Variants in FDX1 observed in about 807,000 individuals in gnomAD.
The protein encoded by FDX1 is adrenodoxin, mitochondrial.
In FDX1, 9 loss-of-function variants were observed where a neutral mutation model predicts 14.9. The observed-to-expected ratio is 0.60, with a 90% CI of 0.36 to 1.05. FDX1 has a LOEUF of 1.05. FDX1 is among the 50% of genes least tolerant of loss of function. The pLI, the probability that FDX1 is intolerant of heterozygous loss-of-function variation, is 0.01. For synonymous variants in FDX1, 92 were observed against 99.4 expected (o/e 0.93, Z 0.44); for missense variants, 204 against 237.2 (o/e 0.86, Z 0.92).
intron 2 of FDX1, among the ~76,000 whole-genome samples, chr11:110,447,273 CAAAAAAAAAAAAAA>C (rs541827807): frequency 1.3e-5 from 1 of 75,750 alleles, no homozygotes; most frequent in Non-Finnish European, 2.7e-5. Context: ...ACTAAAAATA[CAAAAAAAAAAAAAA>C]AAAAAAAAAA....
intron 1 of FDX1, among the ~76,000 whole-genome samples, chr11:110,432,028 T>G (rs531708095): frequency 6.6e-6 from 1 of 152,346 alleles, no homozygotes; most frequent in African/African-American, 2.4e-5. Flanking sequence ...TTTCGAGTTC[T>G]CAGTAGCCAC....
intron 2 of FDX1, among the ~76,000 whole-genome samples, chr11:110,439,254 T>G (rs947673340): frequency 2.0e-5 from 3 of 151,846 alleles, no homozygotes; most frequent in Admixed American, 2.0e-4. Flanking sequence ...GTTGTCCAGG[T>G]TGGAGTGCAG....
chr11:110,457,691 G>A (rs1355879390), intron 3 of FDX1, among the ~76,000 whole-genome samples: 1 of 151,902 alleles, frequency 6.6e-6, no homozygotes, highest in Non-Finnish European at 1.5e-5. Context: ...AATTAAGGTT[G>A]GCTTTGTTTA....
At chr11:110,448,201 GTC>G (rs1165469042) in intron 2 of FDX1, among the ~76,000 whole-genome samples, 1 of 152,046 alleles carries the variant, frequency 6.6e-6, no homozygotes, top group African/African-American at 2.4e-5. Flanking sequence ...TTCTTCATGT[GTC>G]TGTTTTGAGG....
Position 110,464,039 on chromosome 11 carries a change from G to C in FDX1, c.*1571G>C, listed in dbSNP as rs1379981498. 1.3e-5 allele frequency: 2 copies of C among 151,534 alleles called. No homozygotes were observed. Among genetic ancestry groups the C allele is most frequent in the Non-Finnish European group, 2.9e-5 (2 of 67,978 alleles). 9.4% of individuals were successfully genotyped at this position (151,534 alleles called of 1,614,324 possible). Reference sequence around the variant, plus strand: ...GGGATTCTCGTGCCTCAGCCTCCCAGGTAGCTGGTACTACAGGCACGGACC... The same window carrying C: ...GGGATTCTCGTGCCTCAGCCTCCCACGTAGCTGGTACTACAGGCACGGACC... On this transcript the variant is annotated 3_prime_UTR_variant, in exon 4 of 4. Transcript: ENST00000260270.
chr11:110,432,595 A>C (rs1023326229), intron 1 of FDX1, among the ~76,000 whole-genome samples: 17 of 152,008 alleles, frequency 1.1e-4, no homozygotes, highest in African/African-American at 4.1e-4. Context: ...CAGCCACCCG[A>C]ATATCTGGGA....
intron 1 of FDX1, among the ~76,000 whole-genome samples, chr11:110,433,250 G>C (rs1314967835): frequency 6.6e-6 from 1 of 152,220 alleles, no homozygotes. Flanking sequence ...AGACTTCTCT[G>C]CTGGGCTCAG....
At chr11:110,434,800 G>A (rs1383950258) in intron 1 of FDX1, among the ~76,000 whole-genome samples, 1 of 142,378 alleles carries the variant, frequency 7.0e-6, no homozygotes, top group East Asian at 2.2e-4. Flanking sequence ...GTGTAATCAC[G>A]GCTCACTGCA....
At chr11:110,457,926 C>G (rs374836066) in intron 3 of FDX1, among the ~76,000 whole-genome samples, 2 of 152,084 alleles carry the variant, frequency 1.3e-5, no homozygotes, top group East Asian at 3.8e-4. Flanking sequence ...GGATGTGAGA[C>G]TGATAACCCT....
chr11:110,449,636 A>G (rs1194128457), intron 2 of FDX1, among the ~76,000 whole-genome samples: 1 of 152,022 alleles, frequency 6.6e-6, no homozygotes, highest in African/African-American at 2.4e-5. Flanking sequence ...TTAATTTTTT[A>G]TAATATTTTG....
At chr11:110,444,753 T>A (rs1478365496) in intron 2 of FDX1, among the ~76,000 whole-genome samples, 3 of 122,588 alleles carry the variant, frequency 2.4e-5, no homozygotes, top group Non-Finnish European at 4.8e-5. Flanking sequence ...TACACGTATA[T>A]ATATATATAT....
chr11:110,456,502 A>G (rs1277937415), intron 2 of FDX1, among the ~76,000 whole-genome samples: 5 of 107,588 alleles, frequency 4.6e-5, no homozygotes, highest in East Asian at 3.0e-4. Flanking sequence ...CCTTTCATTT[A>G]TGTATTCTTT....
intron 2 of FDX1, among the ~76,000 whole-genome samples, chr11:110,454,117 A>C (rs1470577268): frequency 6.6e-6 from 1 of 152,246 alleles, no homozygotes; most frequent in Admixed American, 6.5e-5. Context: ...ACCAAAAGTT[A>C]ATCTGAAAAT....
intron 2 of FDX1, among the ~76,000 whole-genome samples, chr11:110,444,719 TATAC>T (rs1170835706): frequency 4.6e-5 from 3 of 65,718 alleles, no homozygotes; most frequent in South Asian, 8.6e-4. Flanking sequence ...TATATATATA[TATAC>T]GTATATATAT....
rs1946320708 is a variant in FDX1, at chr11:110,430,227, G to A, written c.107G>A (p.Gly36Asp). The change falls in exon 1 of 4, where the codon GGC (glycine) becomes GAC (aspartate). Residue 36 changes from glycine to aspartate, a missense_variant. By Grantham distance (94) the Gly-to-Asp change is moderately conservative (BLOSUM62 -1). Transcript: ENST00000260270. The stretch of plus-strand genomic sequence containing the variant: ...GCTGGGTCCCGCGCTGGATCCAGCG[G>A]CCTGCTGAGGAACCGGGGGCCGGGC... ...HHAGSRAGSS[G>D]LLRNRGPGGS... 8.3e-7 allele frequency: 1 copy of A among 1,208,894 alleles called. No homozygotes were observed. 74.9% of individuals were successfully genotyped at this position (1,208,894 alleles called of 1,614,324 possible). A position where few individuals can be genotyped will look rare whatever the true frequency, so the allele number is the denominator to read the frequency against.
At chr11:110,445,322 A>G (rs1392085933) in intron 2 of FDX1, among the ~76,000 whole-genome samples, 3 of 152,194 alleles carry the variant, frequency 2.0e-5, no homozygotes, top group Non-Finnish European at 1.5e-5. Context: ...CATAAGTATT[A>G]TGATCTTAAT....
At chr11:110,447,693 T>A (rs539016333) in intron 2 of FDX1, among the ~76,000 whole-genome samples, 1 of 152,262 alleles carries the variant, frequency 6.6e-6, no homozygotes, top group South Asian at 2.1e-4. Flanking sequence ...GACACATCCC[T>A]CTCTCTCCCA....
upstream of FDX1, among the ~76,000 whole-genome samples, chr11:110,429,435 C>T (rs191942367): frequency 2.7e-3 from 404 of 152,242 alleles, 3 homozygotes; most frequent in African/African-American, 8.3e-3. Flanking sequence ...CCGGTTCAGT[C>T]TCGTGGGTTT....
intron 2 of FDX1, among the ~76,000 whole-genome samples, chr11:110,450,493 C>G (rs1462341368): frequency 6.6e-6 from 1 of 152,212 alleles, no homozygotes; most frequent in Admixed American, 6.5e-5. Context: ...AAGCTTCCCT[C>G]ACTTGCCCTC....
Sources: gnomAD v4.1 joint callset for allele counts (sites outside exome capture counted in the v4.1 genomes callset) on GRCh38, gnomAD v4.1.1 for gene constraint, MANE v1.5 for transcripts, NCBI Gene and HGNC (gene_info 2026-07-23, HGNC 2026-07-21) for gene names.